XKR9: variants seen among roughly 807,000 people sequenced by gnomAD.
The protein encoded by XKR9 is XK related 9, also known as XK-related protein 9.
A neutral mutation model predicts 32.0 loss-of-function variants in XKR9; 32 were observed. The observed-to-expected ratio is 1.00, with a 90% CI of 0.76 to 1.34. XKR9 has a LOEUF of 1.34. Ranked by LOEUF, XKR9 falls within the 40% of genes most tolerant of loss-of-function variation. The pLI is 0.00. For synonymous variants in XKR9, 168 were observed against 143.4 expected (o/e 1.17, Z -1.22); for missense variants, 546 against 429.7 (o/e 1.27, Z -2.39).
chr8:70,725,390 T>C (rs1282566142), intron 4 of XKR9, among the ~76,000 whole-genome samples: 1 of 152,096 alleles, frequency 6.6e-6, no homozygotes, highest in East Asian at 1.9e-4. Context: ...TCTTTCCAAA[T>C]AGGAAATCAA....
the XKR9 span, among the ~76,000 whole-genome samples, chr8:70,970,228 G>C: frequency 6.6e-6 from 1 of 152,074 alleles, no homozygotes; most frequent in Non-Finnish European, 1.5e-5. Flanking sequence ...CTTTTCATAT[G>C]ATGACTTCTT....
chr8:70,935,210 C>CACACACAG, the XKR9 span, among the ~76,000 whole-genome samples: 1 of 148,098 alleles, frequency 6.8e-6, no homozygotes, highest in Non-Finnish European at 1.5e-5. Flanking sequence ...TACATATATA[C>CACACACAG]ACACACACAC....
chr8:70,919,758 T>G, the XKR9 span, among the ~76,000 whole-genome samples: 1 of 152,190 alleles, frequency 6.6e-6, no homozygotes. Context: ...AGGAACTGTC[T>G]GTATGCAGTG....
At chr8:70,814,762 G>C in the XKR9 span, among the ~76,000 whole-genome samples, 1 of 152,114 alleles carries the variant, frequency 6.6e-6, no homozygotes, top group Non-Finnish European at 1.5e-5. Flanking sequence ...TCTGGCAAAA[G>C]AAAGAAATAA....
the XKR9 span, among the ~76,000 whole-genome samples, chr8:71,025,998 A>G: frequency 2.6e-5 from 4 of 152,068 alleles, no homozygotes; most frequent in African/African-American, 4.8e-5. Context: ...GTCCTTAACC[A>G]TCTCCTCTCC....
chr8:70,990,627 A>G, the XKR9 span, among the ~76,000 whole-genome samples: 1 of 152,176 alleles, frequency 6.6e-6, no homozygotes, highest in Non-Finnish European at 1.5e-5. Context: ...GCCACGTTCC[A>G]TTTTAACCCA....
chr8:70,837,588 A>G, the XKR9 span, among the ~76,000 whole-genome samples: 1 of 152,088 alleles, frequency 6.6e-6, no homozygotes, highest in Non-Finnish European at 1.5e-5. Context: ...GACAAGATGT[A>G]TGGTTTAAGG....
chr8:70,976,357 G>A, the XKR9 span, among the ~76,000 whole-genome samples: 10 of 152,030 alleles, frequency 6.6e-5, no homozygotes, highest in African/African-American at 2.4e-4. Context: ...GATAGTGGCT[G>A]TGGGTTTGCT....
chr8:70,855,648 G>A, the XKR9 span, among the ~76,000 whole-genome samples: 14 of 152,232 alleles, frequency 9.2e-5, no homozygotes, highest in African/African-American at 3.4e-4. Flanking sequence ...TACTCCTCGA[G>A]AAAAGCAATT....
chr8:70,935,357 C>T, the XKR9 span, among the ~76,000 whole-genome samples: 10 of 151,750 alleles, frequency 6.6e-5, no homozygotes, highest in Non-Finnish European at 1.3e-4. Context: ...CTTTGAACCT[C>T]TGCTTAAATT....
intron 2 of XKR9, among the ~76,000 whole-genome samples, chr8:70,767,529 C>T (rs554506912): frequency 8.1e-6 from 1 of 123,630 alleles, no homozygotes; most frequent in East Asian, 2.3e-4. Context: ...GATGGAGTCT[C>T]GCTCTGTCGC....
the XKR9 span, among the ~76,000 whole-genome samples, chr8:70,834,623 A>T: frequency 1.3e-5 from 2 of 152,222 alleles, no homozygotes; most frequent in East Asian, 1.9e-4. Context: ...TTTGGATTGT[A>T]GTTTGGTCAC....
intron 4 of XKR9, among the ~76,000 whole-genome samples, chr8:70,726,273 T>A (rs1806467452): frequency 2.0e-5 from 3 of 152,168 alleles, no homozygotes; most frequent in African/African-American, 7.2e-5. Flanking sequence ...TAAGAATGGA[T>A]GAAACAATGT....
downstream of XKR9, among the ~76,000 whole-genome samples, chr8:70,794,565 G>A (rs544742339): frequency 1.6e-4 from 25 of 152,034 alleles, 2 homozygotes; most frequent in South Asian, 5.2e-3. Flanking sequence ...AAGAGTTGAT[G>A]GATTTTTTCA....
intron 3 of XKR9, among the ~76,000 whole-genome samples, chr8:70,685,527 A>G (rs1190338139): frequency 6.6e-6 from 1 of 150,534 alleles, no homozygotes; most frequent in Non-Finnish European, 1.5e-5. Flanking sequence ...AATGTGGCAC[A>G]CATACACCAT....
At chr8:70,863,552 G>A in the XKR9 span, among the ~76,000 whole-genome samples, 20 of 152,268 alleles carry the variant, frequency 1.3e-4, 1 homozygote, top group East Asian at 5.8e-4. Context: ...ATCAGTGATA[G>A]CCTCTAAATG....
the XKR9 span, among the ~76,000 whole-genome samples, chr8:70,902,652 C>T: frequency 6.6e-6 from 1 of 152,174 alleles, no homozygotes; most frequent in Admixed American, 6.5e-5. Flanking sequence ...TTGCCCTGGC[C>T]AGAACTTCCA....
chr8:70,715,001 A>G (rs1422091885), intron 4 of XKR9, among the ~76,000 whole-genome samples: 1 of 152,174 alleles, frequency 6.6e-6, no homozygotes, highest in Non-Finnish European at 1.5e-5. Context: ...ATAGAAAAAA[A>G]TATGTTAGAA....
chr8:70,734,341 A>C lies in XKR9; in HGVS notation c.1039A>C (p.Arg347=). The change falls in exon 5 of 5, where the codon AGA becomes CGA. Residue 347 remains arginine, a synonymous_variant. Transcript: ENST00000408926. The part of the protein sequence containing the change: ...IVYYGSFHPN[R]SAETKCDEID... Reference sequence around the variant, plus strand: ...TTATTATGGGAGTTTTCACCCAAACAGAAGTGCAGAAACAAAATGTGATGA... The same window carrying C: ...TTATTATGGGAGTTTTCACCCAAACCGAAGTGCAGAAACAAAATGTGATGA... 6.2e-7 allele frequency: 1 copy of C among 1,611,980 alleles called. No homozygotes were observed. The highest frequency in any genetic ancestry group is 8.5e-7 in the Non-Finnish European group (1 of 1,179,508).
Sources: allele counts gnomAD v4.1 joint callset (sites outside exome capture counted in the v4.1 genomes callset), GRCh38; gene constraint gnomAD v4.1.1; transcripts MANE v1.5; gene names NCBI Gene and HGNC (gene_info 2026-07-23, HGNC 2026-07-21).